The following PTK2 variants were observed in gnomAD, a reference collection of about 807,000 sequenced individuals.
PTK2 encodes focal adhesion kinase 1.
Under a neutral mutation model 150.1 loss-of-function variants are expected in PTK2, and 45 were observed. The ratio of observed to expected loss-of-function variants is 0.30; its 90% CI spans 0.24 to 0.38. PTK2 has a LOEUF of 0.38. Ranked by LOEUF, PTK2 falls within the 10% of genes least tolerant of loss-of-function variation. The probability of loss-of-function intolerance (pLI) is 1.00; values close to 1 mark genes in which losing one functional copy is unlikely to be tolerated. For missense variants in PTK2, 919 were observed against 1,307.3 expected, an observed-to-expected ratio of 0.70 and a Z score of 4.58; for synonymous variants, 432 against 449.2, an observed-to-expected ratio of 0.96 and a Z score of 0.48.
At chr8:140,919,382 C>T (rs1027402154) in intron 2 of PTK2, among the ~76,000 whole-genome samples, 2 of 152,282 alleles carry the variant, frequency 1.3e-5, no homozygotes, top group South Asian at 2.1e-4. Flanking sequence ...TGAGCAAAAA[C>T]ACTATAATCT....
At chr8:140,797,372 T>G (rs907543337) in intron 12 of PTK2, among the ~76,000 whole-genome samples, 1 of 152,332 alleles carries the variant, frequency 6.6e-6, no homozygotes, top group Non-Finnish European at 1.5e-5. Context: ...CCTGTCATCA[T>G]AGCTTTAAAA....
intron 26 of PTK2, among the ~76,000 whole-genome samples, chr8:140,688,238 C>G (rs1332727661): frequency 6.6e-6 from 1 of 152,142 alleles, no homozygotes; most frequent in Non-Finnish European, 1.5e-5. Context: ...AATTACAAAA[C>G]AGCTCATGTA....
chr8:140,663,012 G>A (rs148145019), intron 31 of PTK2: 91 of 376,950 alleles, frequency 2.4e-4, no homozygotes, highest in African/African-American at 1.6e-3. Flanking sequence ...TCTCACAGGC[G>A]ACGGAAAAGT....
At chr8:140,936,865 T>TC (rs2154608710) in intron 1 of PTK2, among the ~76,000 whole-genome samples, 1 of 151,244 alleles carries the variant, frequency 6.6e-6, no homozygotes, top group Non-Finnish European at 1.5e-5. Flanking sequence ...GAGAACATCT[T>TC]TTTTTTTTAA....
chr8:140,672,255 C>T, intron 29 of PTK2: 1 of 389,602 alleles, frequency 2.6e-6, no homozygotes, highest in Non-Finnish European at 5.1e-6. Flanking sequence ...ATTCAAACTT[C>T]TGGGCTGAAG....
intron 2 of PTK2, among the ~76,000 whole-genome samples, chr8:140,911,179 C>T (rs557225364): frequency 6.6e-6 from 1 of 152,212 alleles, no homozygotes; most frequent in Non-Finnish European, 1.5e-5. Context: ...GCGTGAGCCA[C>T]AGCACCCAGC....
intron 20 of PTK2, among the ~76,000 whole-genome samples, chr8:140,739,708 C>T (rs1429433346): frequency 6.6e-6 from 1 of 152,176 alleles, no homozygotes; most frequent in African/African-American, 2.4e-5. Context: ...GGCTGCCCCA[C>T]TAACAGGTGC....
At chr8:140,837,175 G>C (rs1048396388) in intron 7 of PTK2, among the ~76,000 whole-genome samples, 13 of 152,054 alleles carry the variant, frequency 8.5e-5, no homozygotes, top group African/African-American at 3.1e-4. Context: ...TGTCTGTTTT[G>C]CACTCCAGTT....
chr8:140,858,016 G>A (rs1346699222), intron 5 of PTK2, among the ~76,000 whole-genome samples: 3 of 152,048 alleles, frequency 2.0e-5, no homozygotes, highest in Non-Finnish European at 4.4e-5. Flanking sequence ...CATATGAAAT[G>A]GTAAAAGAAA....
At chr8:140,962,261 G>C (rs569999903) in intron 1 of PTK2, among the ~76,000 whole-genome samples, 1 of 107,772 alleles carries the variant, frequency 9.3e-6, no homozygotes, top group Non-Finnish European at 2.0e-5. Flanking sequence ...GGGAGGAAGG[G>C]AAGAAGGGAG....
chr8:140,981,228 A>G lies in PTK2; in HGVS notation c.-122+19897T>C, dbSNP rs571923202. On this transcript the variant is annotated intron_variant, in intron 1 of 31. Coordinates refer to ENST00000522684, the Ensembl canonical transcript of PTK2. ...TCAGACTTTATGTCACCACCAAGAG[A>G]GAAAGAAACTAAAAAGTAAGTAAAA... 5.3e-5 allele frequency among the ~76,000 whole-genome samples: 8 copies of G among 152,242 alleles called. No homozygotes were observed. The South Asian group carries it at 1.7e-3, about 32-fold the overall frequency.
At chr8:140,811,738 T>C (rs895514644) in intron 10 of PTK2, among the ~76,000 whole-genome samples, 1 of 152,172 alleles carries the variant, frequency 6.6e-6, no homozygotes, top group African/African-American at 2.4e-5. Context: ...CTGATGGCGC[T>C]GAAAAGCACA....
intron 22 of PTK2, chr8:140,718,443 C>A (rs920748773): frequency 6.6e-6 from 1 of 152,304 alleles, no homozygotes; most frequent in African/African-American, 2.4e-5. Flanking sequence ...GCAGCCAAAG[C>A]GAGACTTTGC....
chr8:140,675,064 T>G (rs540733771), intron 28 of PTK2, among the ~76,000 whole-genome samples: 1 of 111,354 alleles, frequency 9.0e-6, no homozygotes, highest in East Asian at 2.4e-4. Flanking sequence ...AGACTCTGTA[T>G]CCAAAAAAAA....
intron 2 of PTK2, among the ~76,000 whole-genome samples, chr8:140,918,136 A>G (rs959549236): frequency 2.0e-5 from 3 of 152,180 alleles, no homozygotes; most frequent in Admixed American, 1.3e-4. Flanking sequence ...CTAGTCAGAG[A>G]ATGCAGAGAT....
At chr8:140,740,158 G>A (rs184182660) in intron 20 of PTK2, among the ~76,000 whole-genome samples, 1 of 152,274 alleles carries the variant, frequency 6.6e-6, no homozygotes, top group African/African-American at 2.4e-5. Context: ...CTCAACTGCT[G>A]AGTTCTCAAG....
chr8:140,687,286 G>A (rs1441021905), intron 26 of PTK2, among the ~76,000 whole-genome samples: 1 of 152,176 alleles, frequency 6.6e-6, no homozygotes, highest in South Asian at 2.1e-4. Flanking sequence ...CCGTGCTCCC[G>A]CAGTATGGGT....
intron 1 of PTK2, among the ~76,000 whole-genome samples, chr8:140,928,623 G>A (rs1393890096): frequency 6.6e-6 from 1 of 152,142 alleles, no homozygotes; most frequent in Non-Finnish European, 1.5e-5. Context: ...GCCTTGAAAA[G>A]GAAAGAAATT....
intron 4 of PTK2, among the ~76,000 whole-genome samples, chr8:140,868,300 A>T (rs191795881): frequency 5.3e-5 from 8 of 152,160 alleles, no homozygotes; most frequent in East Asian, 1.9e-4. Context: ...ATGCCCTCAT[A>T]AAAAAAATGT....
Sources: gnomAD v4.1 joint callset for allele counts (sites outside exome capture counted in the v4.1 genomes callset) on GRCh38, gnomAD v4.1.1 for gene constraint, MANE v1.5 for transcripts, NCBI Gene and HGNC (gene_info 2026-07-23, HGNC 2026-07-21) for gene names.